Variants in SHOC1 observed in about 807,000 individuals in gnomAD.
SHOC1 encodes shortage in chiasmata 1.
In SHOC1, 136 loss-of-function variants were observed where a neutral mutation model predicts 179.2. That is an observed-to-expected ratio of 0.76 (90% CI 0.66 to 0.87). The LOEUF is 0.87. SHOC1 is among the 40% of genes least tolerant of loss of function. The probability of loss-of-function intolerance (pLI) is 0.00; values close to 1 mark genes in which losing one functional copy is unlikely to be tolerated. For missense variants in SHOC1, 1,538 were observed against 1,700.8 expected (o/e 0.90, Z 1.68); for synonymous variants, 489 against 586.6 (o/e 0.83, Z 2.41).
chr9:111,711,805 TTG>T (rs1832564809), intron 18 of SHOC1, among the ~76,000 whole-genome samples: 1 of 152,116 alleles, frequency 6.6e-6, no homozygotes, highest in East Asian at 1.9e-4. Flanking sequence ...GGGCATGAGT[TTG>T]TGAGTTTGTA....
chr9:111,712,228 T>G (rs1389879396), intron 18 of SHOC1, among the ~76,000 whole-genome samples: 1 of 152,168 alleles, frequency 6.6e-6, no homozygotes, highest in African/African-American at 2.4e-5. Flanking sequence ...TCATTCACAT[T>G]AGAAACATTA....
intron 15 of SHOC1, among the ~76,000 whole-genome samples, chr9:111,718,510 G>A (rs1832899694): frequency 1.3e-5 from 2 of 152,148 alleles, no homozygotes; most frequent in Non-Finnish European, 2.9e-5. Context: ...TATTAATGAA[G>A]TTAAGTAACT....
chr9:111,717,041 T>G (rs761799909), intron 16 of SHOC1, among the ~76,000 whole-genome samples: 8 of 152,224 alleles, frequency 5.3e-5, no homozygotes, highest in African/African-American at 7.2e-5. Flanking sequence ...TGAGATTGGT[T>G]ATTACTCATG....
intron 7 of SHOC1, among the ~76,000 whole-genome samples, chr9:111,757,620 G>A (rs150629108): frequency 6.6e-6 from 1 of 152,130 alleles, no homozygotes; most frequent in Non-Finnish European, 1.5e-5. Context: ...TTAAACACTG[G>A]CAGAAAACTA....
chr9:111,696,569 A>G (rs1468714199), intron 24 of SHOC1, among the ~76,000 whole-genome samples: 4 of 152,182 alleles, frequency 2.6e-5, no homozygotes, highest in Non-Finnish European at 5.9e-5. Flanking sequence ...AAGCTTTTAG[A>G]ATAGTTTGAT....
intron 5 of SHOC1, among the ~76,000 whole-genome samples, chr9:111,770,024 T>C (rs1413065055): frequency 6.8e-6 from 1 of 146,750 alleles, no homozygotes; most frequent in African/African-American, 2.5e-5. Flanking sequence ...TAGTTTCATG[T>C]ATTTCTGCTC....
At chr9:111,765,470 A>G (rs1835312952) in intron 5 of SHOC1, among the ~76,000 whole-genome samples, 1 of 151,630 alleles carries the variant, frequency 6.6e-6, no homozygotes, top group African/African-American at 2.4e-5. Flanking sequence ...TGTGCCTGTA[A>G]TTCCAGCTAC....
chr9:111,700,537 C>T (rs930889505), intron 23 of SHOC1, among the ~76,000 whole-genome samples: 1 of 152,042 alleles, frequency 6.6e-6, no homozygotes. Context: ...GATATTTCTA[C>T]TACCTTTACC....
chr9:111,728,550 T>C (rs775604093), intron 12 of SHOC1, among the ~76,000 whole-genome samples: 1 of 152,214 alleles, frequency 6.6e-6, no homozygotes, highest in Non-Finnish European at 1.5e-5. Context: ...TAGACGAATC[T>C]TGAAAACATG....
At chr9:111,723,603 A>G (rs535718039) in intron 14 of SHOC1, among the ~76,000 whole-genome samples, 189 bp downstream of exon 14, 7 of 152,282 alleles carry the variant, frequency 4.6e-5, no homozygotes, top group African/African-American at 1.4e-4. Flanking sequence ...GGGTAGGGCA[A>G]TGGGGAGAGG....
chr9:111,736,612 A>G (rs1833822481), intron 12 of SHOC1, among the ~76,000 whole-genome samples: 1 of 152,184 alleles, frequency 6.6e-6, no homozygotes, highest in Admixed American at 6.5e-5. Context: ...TATAAGAATC[A>G]TAGAGGAAAA....
chr9:111,690,754 C>T (rs1831389947), intron 27 of SHOC1, among the ~76,000 whole-genome samples: 2 of 152,128 alleles, frequency 1.3e-5, no homozygotes, highest in African/African-American at 2.4e-5. Context: ...CAAATCCAAG[C>T]ATTACAAGTC....
chr9:111,778,870 G>A (rs1157869221), intron 4 of SHOC1, among the ~76,000 whole-genome samples: 13 of 151,404 alleles, frequency 8.6e-5, no homozygotes, highest in East Asian at 3.9e-4. Context: ...AGGCCAAGGC[G>A]GGTGGATCAC....
Position 111,775,994 on chromosome 9 carries a change from A to G in SHOC1, c.258-19T>C. 1 of 1,594,848 alleles carries G rather than the reference A, an allele frequency of 6.3e-7. No homozygotes were observed. Among genetic ancestry groups the G allele is most frequent in the Non-Finnish European group, 8.6e-7 (1 of 1,164,970 alleles). On this transcript the variant is annotated intron_variant, in intron 4 of 27. Coordinates refer to ENST00000682961, the MANE Select transcript of SHOC1 (RefSeq NM_001378211.1). ...TGTTTTTCTGTGACAATATAAAATT[A>G]CTAATGTTATGTATGTCCTATTTTA...
At chr9:111,755,206 C>T (rs1054419725) in intron 8 of SHOC1, among the ~76,000 whole-genome samples, 2 of 151,934 alleles carry the variant, frequency 1.3e-5, no homozygotes, top group Non-Finnish European at 1.5e-5. Flanking sequence ...ATTTGATTTA[C>T]GGAGCTGAGA....
At chr9:111,735,063 T>G (rs1833755753) in intron 12 of SHOC1, among the ~76,000 whole-genome samples, 2 of 152,176 alleles carry the variant, frequency 1.3e-5, no homozygotes, top group East Asian at 3.9e-4. Context: ...ACATGCAGTA[T>G]TTGGTTTTCT....
At chr9:111,756,123 G>A (rs562735513) in intron 8 of SHOC1, among the ~76,000 whole-genome samples, 6 of 151,228 alleles carry the variant, frequency 4.0e-5, no homozygotes, top group East Asian at 1.9e-4. Context: ...ATTTTGTCTC[G>A]ACAACAACAA....
intron 10 of SHOC1, among the ~76,000 whole-genome samples, chr9:111,743,397 G>A (rs1371585642): frequency 1.3e-5 from 2 of 152,134 alleles, no homozygotes; most frequent in African/African-American, 4.8e-5. Context: ...AAATTGCACT[G>A]TTGCGAGCAG....
chr9:111,723,943 G>A (rs1437501153), intron 13 of SHOC1, 32 bp from the exon 14 acceptor site: 28 of 1,427,914 alleles, frequency 2.0e-5, no homozygotes, highest in African/African-American at 2.9e-5. Context: ...ATAAATTTTT[G>A]TTGTTCAAGA....
Sources: allele counts gnomAD v4.1 joint callset (sites outside exome capture counted in the v4.1 genomes callset), GRCh38; gene constraint gnomAD v4.1.1; transcripts MANE v1.5; gene names NCBI Gene and HGNC (gene_info 2026-07-23, HGNC 2026-07-21).